The following CCDC112 variants were observed in gnomAD, a reference collection of about 807,000 sequenced individuals.
CCDC112 encodes coiled-coil domain containing 112, also known as coiled-coil domain-containing protein 112.
Under a neutral mutation model 66.3 loss-of-function variants are expected in CCDC112, and 40 were observed. The ratio of observed to expected loss-of-function variants is 0.60; its 90% CI spans 0.47 to 0.79. The LOEUF (loss-of-function observed/expected upper bound fraction) is 0.79. Among genes scored for constraint, CCDC112 ranks in the 30% least tolerant of loss-of-function variants. The pLI, the probability that CCDC112 is intolerant of heterozygous loss-of-function variation, is 0.00. For missense variants in CCDC112, 659 were observed against 603.8 expected, an observed-to-expected ratio of 1.09 and a Z score of -0.96; for synonymous variants, 214 against 197.2, an observed-to-expected ratio of 1.09 and a Z score of -0.71.
Position 115,271,325 on chromosome 5 carries a change from TGC to T in CCDC112, c.1218_1219del (p.Gln407GlufsTer11). 1.2e-6 allele frequency: 2 copies of T among 1,613,296 alleles called. No homozygotes were observed. The highest frequency in any genetic ancestry group is 1.3e-5 in the African/African-American group (1 of 75,006). On this transcript the variant is annotated frameshift_variant, in exon 7 of 10. Coordinates refer to ENST00000379611, the MANE Select transcript of CCDC112 (RefSeq NM_001040440.3). LOFTEE classifies it high-confidence loss of function. ...CAAAAATTCTTCCTGTTCTTTCTTC[TGC>T]TGGGTATAACTTTCTAGTAGTAATT...
intron 3 of CCDC112, among the ~76,000 whole-genome samples, chr5:115,279,136 C>T (rs1490302169): frequency 1.3e-5 from 2 of 152,072 alleles, no homozygotes; most frequent in East Asian, 3.9e-4. Context: ...ATGCATAGTA[C>T]GGCTCTCCTG....
At chr5:115,284,704 G>A (rs1359217982) in intron 2 of CCDC112, 83 bp downstream of exon 2, 3 of 1,077,352 alleles carry the variant, frequency 2.8e-6, no homozygotes, top group African/African-American at 3.2e-5. Flanking sequence ...GTGAGCCTAG[G>A]TAGGGTAGAG....
At chr5:115,270,739 T>A (rs184006314) in intron 7 of CCDC112, among the ~76,000 whole-genome samples, 331 of 152,302 alleles carry the variant, frequency 2.2e-3, no homozygotes, top group African/African-American at 7.8e-3. Context: ...ACCTTTCTAG[T>A]CTCATCATCT....
chr5:115,290,868 TA>T (rs1749892175), intron 1 of CCDC112, among the ~76,000 whole-genome samples: 1 of 152,180 alleles, frequency 6.6e-6, no homozygotes, highest in African/African-American at 2.4e-5. Context: ...ATTAGTTTTC[TA>T]GTAAGTTTTT....
At chr5:115,293,810 C>A (rs1750035949) in intron 1 of CCDC112, among the ~76,000 whole-genome samples, 1 of 152,132 alleles carries the variant, frequency 6.6e-6, no homozygotes, top group Non-Finnish European at 1.5e-5. Flanking sequence ...TTTCAGGCAG[C>A]CAAGGAACAT....
Position 115,267,190 on chromosome 5 carries a change from T to C in CCDC112, c.*686A>G, listed in dbSNP as rs1207440690. ...AAGAAAACTGCATTAGCCAGGAAGA[T>C]GTGAAAGACACAAAGATTTTATAAA... is the stretch of plus-strand genomic sequence containing the variant. On this transcript the variant is annotated 3_prime_UTR_variant, in exon 10 of 10. Coordinates refer to ENST00000379611, the MANE Select transcript of CCDC112 (RefSeq NM_001040440.3). The C allele has an allele frequency of 6.6e-6, 1 of 152,194 alleles. No individual in the cohort carries two copies. Among genetic ancestry groups the C allele is most frequent in the African/African-American group, 2.4e-5 (1 of 41,446 alleles). 9.4% of individuals were successfully genotyped at this position (152,194 alleles called of 1,614,324 possible).
At chr5:115,289,088 G>T in intron 1 of CCDC112, 1 of 246,482 alleles carries the variant, frequency 4.1e-6, no homozygotes, top group Non-Finnish European at 7.9e-6. Flanking sequence ...TTTGGTTTTA[G>T]TTTCTTTGTT....
chr5:115,295,499 A>G (rs1303859541), intron 1 of CCDC112, among the ~76,000 whole-genome samples: 1 of 152,222 alleles, frequency 6.6e-6, no homozygotes, highest in East Asian at 1.9e-4. Context: ...AAGGTCTACG[A>G]GTAAAGACAC....
chr5:115,278,126 C>T (rs1749287086), intron 3 of CCDC112, among the ~76,000 whole-genome samples: 1 of 152,050 alleles, frequency 6.6e-6, no homozygotes, highest in African/African-American at 2.4e-5. Flanking sequence ...TAGGGTCTTA[C>T]TGTTGAACTT....
At chr5:115,280,152 T>C (rs995760062) in intron 2 of CCDC112, among the ~76,000 whole-genome samples, 3 of 152,172 alleles carry the variant, frequency 2.0e-5, no homozygotes, top group Non-Finnish European at 4.4e-5. Flanking sequence ...TTTGTAACCT[T>C]AGCCAAGATG....
At position 115,281,437 on chromosome 5, in the gene CCDC112, G is replaced by T. The variant is rs1749452715; in HGVS notation, c.240-1669C>A. On this transcript the variant is annotated intron_variant, in intron 2 of 9. Transcript: ENST00000379611. ...GAGGGGATCATGTCTTAGCATGTGT[G>T]TTTAGGTAGCTTCTATTGTTTGTGA... Among the ~76,000 whole-genome samples, 5 of 152,160 alleles carry T rather than the reference G, an allele frequency of 3.3e-5. No homozygotes were observed. In the South Asian group the frequency reaches 1.0e-3, roughly 31 times the overall value.
At chr5:115,281,862 T>C (rs1269132771) in intron 2 of CCDC112, among the ~76,000 whole-genome samples, 1 of 152,204 alleles carries the variant, frequency 6.6e-6, no homozygotes, top group Non-Finnish European at 1.5e-5. Context: ...TTTAATATAT[T>C]TTGTTGACAA....
chr5:115,270,604 C>T (rs1280413009), intron 7 of CCDC112, among the ~76,000 whole-genome samples: 1 of 152,174 alleles, frequency 6.6e-6, no homozygotes, highest in Non-Finnish European at 1.5e-5. Flanking sequence ...CTAATGCAAA[C>T]ACACCACTAA....
chr5:115,287,060 T>C (rs1031106474), intron 1 of CCDC112, among the ~76,000 whole-genome samples: 2 of 152,210 alleles, frequency 1.3e-5, no homozygotes, highest in South Asian at 2.1e-4. Flanking sequence ...TTCTTGATAA[T>C]GCCTTCGAAG....
Position 115,267,664 on chromosome 5 carries a change from A to C in CCDC112, c.*212T>G, listed in dbSNP as rs952032615. On this transcript the variant is annotated 3_prime_UTR_variant, in exon 10 of 10. Transcript: ENST00000379611. ...TTATTTAAATAACTTTTACATCAAT[A>C]ATAGGCCAACACATATATTAAATAC... 10 of 511,014 alleles carry C rather than the reference A, an allele frequency of 2.0e-5. No homozygotes were observed. The highest frequency in any genetic ancestry group is 5.2e-4 in the Middle Eastern group (1 of 1,934). The allele number at this position is 511,014 out of a possible 1,614,324, so 31.7% of individuals were successfully genotyped here. A position where few individuals can be genotyped will look rare whatever the true frequency, so the allele number is the denominator to read the frequency against.
At chr5:115,269,880 A>G in intron 7 of CCDC112, 82 bp from the exon 8 acceptor site, 1 of 779,170 alleles carries the variant, frequency 1.3e-6, no homozygotes, top group Non-Finnish European at 2.0e-6. Flanking sequence ...AGTAAAATTA[A>G]ATTACCTTAC....
chr5:115,283,295 C>A (rs566633440), intron 2 of CCDC112, among the ~76,000 whole-genome samples: 2 of 152,170 alleles, frequency 1.3e-5, no homozygotes, highest in Non-Finnish European at 2.9e-5. Context: ...CACCTCATCA[C>A]CCCCAGACTC....
intron 3 of CCDC112, among the ~76,000 whole-genome samples, chr5:115,278,085 T>A (rs982991067): frequency 6.6e-6 from 1 of 152,138 alleles, no homozygotes; most frequent in Admixed American, 6.5e-5. Context: ...AAGAATTCCA[T>A]AAAGGCAGAA....
Position 115,283,720 on chromosome 5 carries a change from A to G in CCDC112, c.239+1067T>C, listed in dbSNP as rs1749554215. 2.0e-5 allele frequency among the ~76,000 whole-genome samples: 3 copies of G among 152,128 alleles called. No homozygotes were observed. In the South Asian group the frequency reaches 6.2e-4, roughly 31 times the overall value. On this transcript the variant is annotated intron_variant, in intron 2 of 9. Transcript: ENST00000379611. The stretch of plus-strand genomic sequence containing the variant: ...TAGCTTTTCAAAATTCTAACAGTAC[A>G]CTTTTTCATTGGTAGAATTTCTAAA...
Sources: allele counts gnomAD v4.1 joint callset (sites outside exome capture counted in the v4.1 genomes callset), GRCh38; gene constraint gnomAD v4.1.1; transcripts MANE v1.5; gene names NCBI Gene and HGNC (gene_info 2026-07-23, HGNC 2026-07-21).